The following TOP2B variants were observed in gnomAD, a reference collection of about 807,000 sequenced individuals.
TOP2B encodes DNA topoisomerase 2-beta.
Under a neutral mutation model 193.5 loss-of-function variants are expected in TOP2B, and 51 were observed. The ratio of observed to expected loss-of-function variants is 0.26; its 90% CI spans 0.21 to 0.33. The LOEUF is 0.33. Ranked by LOEUF, TOP2B falls within the 10% of genes least tolerant of loss-of-function variation. The pLI is 1.00. For missense variants in TOP2B, 1,378 were observed against 1,909.3 expected (o/e 0.72, Z 5.19); for synonymous variants, 634 against 635.7 (o/e 1.00, Z 0.04).
At chr3:25,650,282 G>A (rs1333829664) in intron 1 of TOP2B, among the ~76,000 whole-genome samples, 4 of 152,150 alleles carry the variant, frequency 2.6e-5, no homozygotes, top group South Asian at 2.1e-4. Flanking sequence ...AGATGTTATC[G>A]TTCTTTGGCC....
At chr3:25,641,684 C>A (rs1034019286) in intron 4 of TOP2B, among the ~76,000 whole-genome samples, 1 of 151,844 alleles carries the variant, frequency 6.6e-6, no homozygotes, top group African/African-American at 2.4e-5. Context: ...TAAGACTATA[C>A]CTGAATTATT....
Position 25,615,187 on chromosome 3 carries a change from A to C in TOP2B, c.3591+18T>G. The C allele has an allele frequency of 6.3e-7, 1 of 1,588,092 alleles. No homozygotes were observed. Among genetic ancestry groups the C allele is most frequent in the South Asian group, 1.2e-5 (1 of 86,726 alleles). The stretch of plus-strand genomic sequence containing the variant: ...AACATGACTTTTCCAAATAAATTTT[A>C]ATAGAGACTTAACCTACATCCAGTT... On this transcript the variant is annotated intron_variant, in intron 27 of 35. Transcript: ENST00000264331.
rs541955161 is a variant in TOP2B, at chr3:25,600,571, A to C, written c.4615+529T>G. ...AATAAAAGGTAGAGCAGCTACCCTC[A>C]CAGCATGAGCTACCCTCATATCATG... On this transcript the variant is annotated intron_variant, in intron 34 of 35. Transcript: ENST00000264331. Among the ~76,000 whole-genome samples, 24 of 152,136 alleles carry C rather than the reference A, an allele frequency of 1.6e-4. No homozygotes were observed. In the South Asian group the frequency reaches 5.0e-3, roughly 32 times the overall value.
intron 24 of TOP2B, 68 bp downstream of exon 24, chr3:25,618,586 T>C: frequency 6.6e-7 from 1 of 1,525,104 alleles, no homozygotes; most frequent in Non-Finnish European, 8.8e-7. Flanking sequence ...CTGATAAAAA[T>C]GTCTTCTATT....
At chr3:25,599,311 C>A in intron 35 of TOP2B, 124 bp downstream of exon 35, 2 of 732,510 alleles carry the variant, frequency 2.7e-6, no homozygotes, top group Non-Finnish European at 2.2e-6. Context: ...AAATACAAGC[C>A]CCATATTGAT....
chr3:25,644,695 G>A (rs1040230130), intron 2 of TOP2B, among the ~76,000 whole-genome samples: 24 of 151,424 alleles, frequency 1.6e-4, no homozygotes, highest in African/African-American at 4.8e-4. Context: ...AGCGAGACAC[G>A]GGGTGGGGGG....
chr3:25,601,966 A>C (rs1252322187), intron 33 of TOP2B, among the ~76,000 whole-genome samples: 1 of 152,210 alleles, frequency 6.6e-6, no homozygotes, highest in Non-Finnish European at 1.5e-5. Context: ...CAAAAGCTGA[A>C]ATCCAGACTT....
chr3:25,647,302 T>G (rs114732925), intron 1 of TOP2B, among the ~76,000 whole-genome samples: 2,052 of 152,210 alleles, frequency 0.013, 50 homozygotes, highest in African/African-American at 0.045. Flanking sequence ...TAATGAAGCC[T>G]CAAAATAGTT....
chr3:25,626,500 T>G (rs1702805906), intron 18 of TOP2B, 60 bp downstream of exon 18: 2 of 939,850 alleles, frequency 2.1e-6, no homozygotes, highest in Non-Finnish European at 3.1e-6. Flanking sequence ...TGGCTTAAAG[T>G]ACATGAAATT....
intron 27 of TOP2B, among the ~76,000 whole-genome samples, chr3:25,614,925 A>G (rs562784316): frequency 1.3e-5 from 2 of 152,162 alleles, no homozygotes; most frequent in African/African-American, 4.8e-5. Context: ...CCAGGAAAAC[A>G]TTAAACTGAA....
At chr3:25,618,328 C>T (rs1160780178) in intron 25 of TOP2B, 90 bp downstream of exon 25, 1 of 899,962 alleles carries the variant, frequency 1.1e-6, no homozygotes, top group Non-Finnish European at 1.8e-6. Flanking sequence ...TTTAGTAGTA[C>T]TAAATTTAAA....
chr3:25,628,190 A>G (rs1043849313), intron 15 of TOP2B, among the ~76,000 whole-genome samples: 4 of 147,540 alleles, frequency 2.7e-5, no homozygotes, highest in South Asian at 2.2e-4. Context: ...AAAAAAAAAA[A>G]GGGAGCCAGG....
In TOP2B at chr3:25,664,290, T is replaced by A. The variant is rs1439695278; in HGVS notation, c.8A>T (p.Lys3Met). Residue 3 changes from lysine (K) to methionine (M), a missense_variant, in exon 1 of 36, where the codon AAG becomes ATG. Physicochemically the swap from Lys to Met is moderately conservative, Grantham distance 95. Transcript: ENST00000264331. The stretch of plus-strand genomic sequence containing the variant: ...GGCTCCCGCGCCGCAGCCACCCGAC[T>A]TGGCCATGGCGAGTGCCTCCAGCTC... The part of the protein sequence containing the change: MA[K>M]SGGCGAGAGV... 6.5e-7 allele frequency: 1 copy of A among 1,533,276 alleles called. No individual in the cohort carries two copies. The highest frequency in any genetic ancestry group is 8.7e-7 in the Non-Finnish European group (1 of 1,144,866). The allele number at this position is 1,533,276 out of a possible 1,614,324, so 95.0% of individuals were successfully genotyped here.
chr3:25,657,013 T>C (rs1703764574), intron 1 of TOP2B, among the ~76,000 whole-genome samples: 1 of 152,160 alleles, frequency 6.6e-6, no homozygotes, highest in Non-Finnish European at 1.5e-5. Context: ...AATACACAAA[T>C]AAGATTGGCA....
rs202024012 is a variant in TOP2B, at chr3:25,607,207, T to C, written c.4262A>G (p.Tyr1421Cys). The C allele has an allele frequency of 7.2e-5, 116 of 1,612,562 alleles. 1 individual carries two copies. The African/African-American group carries it at 1.3e-3, about 19-fold the overall frequency. ...VPSDGLDKDE[Y>C]TFSPGKSKAT... ...TTTTGATTTGCCTGGTGAAAATGTA[T>C]ATTCATCTTTATCTAACCCATCTGA... Residue 1421 changes from tyrosine (Y) to cysteine (C), a missense_variant, in exon 31 of 36, where the codon TAT becomes TGT. By Grantham distance (194) the Tyr-to-Cys change is radical. This residue lies in a region of TOP2B where 556 missense variants were observed against 584.2 expected (regional missense o/e 0.95). Transcript: ENST00000264331.
At chr3:25,651,068 CAT>C (rs1045217909) in intron 1 of TOP2B, among the ~76,000 whole-genome samples, 1 of 152,110 alleles carries the variant, frequency 6.6e-6, no homozygotes, top group African/African-American at 2.4e-5. Context: ...GAAATCCATG[CAT>C]AGTTTTCTCA....
chr3:25,641,424 T>C (rs1703260791), intron 4 of TOP2B, among the ~76,000 whole-genome samples: 1 of 152,184 alleles, frequency 6.6e-6, no homozygotes, highest in African/African-American at 2.4e-5. Context: ...CAAAATGTCC[T>C]TGAAACCATC....
chr3:25,621,298 C>G (rs546961306), intron 21 of TOP2B, among the ~76,000 whole-genome samples: 1 of 152,330 alleles, frequency 6.6e-6, no homozygotes, highest in South Asian at 2.1e-4. Flanking sequence ...TTCCATTCAT[C>G]ATTCATCTAC....
chr3:25,649,480 A>G (rs1192312468), intron 1 of TOP2B, among the ~76,000 whole-genome samples: 4 of 152,146 alleles, frequency 2.6e-5, no homozygotes, highest in Non-Finnish European at 4.4e-5. Context: ...CAAAGAGAGA[A>G]TCTTAAAAGC....
Sources: allele counts gnomAD v4.1 joint callset (sites outside exome capture counted in the v4.1 genomes callset), GRCh38; gene constraint gnomAD v4.1.1; regional missense constraint gnomAD v4.1.1; transcripts MANE v1.5; gene names NCBI Gene and HGNC (gene_info 2026-07-23, HGNC 2026-07-21).